The following CISD3 variants were observed in gnomAD, a reference collection of about 807,000 sequenced individuals.
The protein encoded by CISD3 is CDGSH iron sulfur domain 3.
A neutral mutation model predicts 14.1 loss-of-function variants in CISD3; 11 were observed. That is an observed-to-expected ratio of 0.78 (90% confidence interval 0.49 to 1.29). The LOEUF (loss-of-function observed/expected upper bound fraction) is 1.29. Among genes scored for constraint, CISD3 ranks in the 50% most tolerant of loss-of-function variants. The pLI is 0.00. For missense variants in CISD3, 156 were observed against 171.6 expected (o/e 0.91, Z 0.51); for synonymous variants, 53 against 69.2 (o/e 0.77, Z 1.16).
chr17:38,732,938 G>GACACAC (rs148830489), intron 3 of CISD3, among the ~76,000 whole-genome samples: 5,100 of 116,588 alleles, frequency 0.044, 94 homozygotes, highest in South Asian at 0.055. Context: ...GAGACTCAGA[G>GACACAC]ACACACACAC....
At position 38,732,660 on chromosome 17, in the gene CISD3, C is replaced by G. The variant is rs9895802; in HGVS notation, c.205-616C>G. Among the ~76,000 whole-genome samples the G allele has an allele frequency of 9.4e-3, 1,423 of 152,190 alleles. 24 individuals are homozygous for G. The highest frequency in any genetic ancestry group is 0.032 in the African/African-American group (1,328 of 41,520). On this transcript the variant is annotated intron_variant, in intron 3 of 3. Transcript: ENST00000613478. ...AAAAAAAAAGGCCTTGGCACCAGCT[C>G]TGCCTTCAGCTAGCAAGGCATGTCA...
Position 38,735,455 on chromosome 17 carries a change from G to A in CISD3, c.*2000G>A, listed in dbSNP as rs1228477563. ...CAGGGAGGAGGAGGTGGCTGGCAGG[G>A]TGGCAGGGCTGGGAGCCTTGTCGCT... On this transcript the variant is annotated 3_prime_UTR_variant, in exon 4 of 4. Transcript: ENST00000613478. 1.3e-6 allele frequency: 2 copies of A among 1,588,688 alleles called. No individual in the cohort carries two copies. Among genetic ancestry groups the A allele is most frequent in the Non-Finnish European group, 1.7e-6 (2 of 1,167,446 alleles).
In CISD3 at chr17:38,731,319, G is replaced by C. The variant is rs1007128101; in HGVS notation, c.85-1G>C. On this transcript the variant is annotated splice_acceptor_variant, in intron 2 of 3. Coordinates refer to ENST00000613478, the MANE Select transcript of CISD3 (RefSeq NM_001136498.2). LOFTEE classifies it high-confidence loss of function. Reference sequence around the variant, plus strand: ...GAGCCCCTCATCTTCCCTGGCCACAGGCCCAGTGGTTCCCTAGAACCCCAG... The same window carrying C: ...GAGCCCCTCATCTTCCCTGGCCACACGCCCAGTGGTTCCCTAGAACCCCAG... 6 of 1,551,220 alleles carry C rather than the reference G, an allele frequency of 3.9e-6. No individual in the cohort carries two copies. The South Asian group carries it at 7.1e-5, about 18-fold the overall frequency.
intron 3 of CISD3, 29 bp downstream of exon 3, chr17:38,731,468 T>C: frequency 6.4e-7 from 1 of 1,551,342 alleles, no homozygotes; most frequent in South Asian, 1.2e-5. Context: ...TTCCTACTGA[T>C]ACCTCTGGCT....
rs1034948802 is a variant in CISD3 at position 38,735,162 on chromosome 17, G to A, written c.*1707G>A. On this transcript the variant is annotated 3_prime_UTR_variant, in exon 4 of 4. Transcript: ENST00000613478. ...GAAAGTAGAAGAGGTGGAAAAAAGGGCCCAGAAAAAGTGGAAGGAGTGGAG... is the reference window on the plus strand; with the variant it reads ...GAAAGTAGAAGAGGTGGAAAAAAGGACCCAGAAAAAGTGGAAGGAGTGGAG... 4.0e-6 allele frequency: 5 copies of A among 1,263,766 alleles called. No individual in the cohort carries two copies. Among genetic ancestry groups the A allele is most frequent in the Admixed American group, 7.2e-5 (2 of 27,846 alleles). 78.3% of individuals were successfully genotyped at this position (1,263,766 alleles called of 1,614,324 possible).
In CISD3 at chr17:38,731,371, C is replaced by T; in HGVS notation, c.136C>T (p.Pro46Ser). ...CAGGTCCGTGGTGGCCCTGAAGACC[C>T]CCATCAAGGTGGAGCTGGTGGCAGG... ...PARSVVALKT[P>S]IKVELVAGKT... The change falls in exon 3 of 4, where the codon CCC becomes TCC. Residue 46 changes from proline to serine, a missense_variant. Coordinates refer to ENST00000613478, the MANE Select transcript of CISD3 (RefSeq NM_001136498.2). 6.4e-7 allele frequency: 1 copy of T among 1,551,642 alleles called. No individual in the cohort carries two copies. The highest frequency in any genetic ancestry group is 2.0e-5 in the Admixed American group (1 of 51,008).
Position 38,730,542 on chromosome 17 carries a change from C to T in CISD3, c.48+136C>T, listed in dbSNP as rs922752932. Reference sequence around the variant, plus strand: ...CGCCGGTGTCTGGCTTGCCTCAGCTCACAGGCTTTTCCCGAGCGCCAGTCC... The same window carrying T: ...CGCCGGTGTCTGGCTTGCCTCAGCTTACAGGCTTTTCCCGAGCGCCAGTCC... On this transcript the variant is annotated intron_variant, in intron 1 of 3. Coordinates refer to ENST00000613478, the MANE Select transcript of CISD3 (RefSeq NM_001136498.2). The T allele has an allele frequency of 5.4e-6, 5 of 919,318 alleles. No individual in the cohort carries two copies. The African/African-American group carries it at 8.4e-5, about 15-fold the overall frequency. 56.9% of individuals were successfully genotyped at this position (919,318 alleles called of 1,614,324 possible). A position where few individuals can be genotyped will look rare whatever the true frequency, so the allele number is the denominator to read the frequency against.
chr17:38,732,963 A>ACACT (rs774115774), intron 3 of CISD3, among the ~76,000 whole-genome samples: 1 of 136,130 alleles, frequency 7.3e-6, no homozygotes, highest in Non-Finnish European at 1.6e-5. Flanking sequence ...ACACACACAC[A>ACACT]CACACTCACA....
intron 1 of CISD3, 156 bp downstream of exon 1, chr17:38,730,562 C>A: frequency 1.2e-6 from 1 of 843,266 alleles, no homozygotes; most frequent in Non-Finnish European, 1.8e-6. Context: ...TCCCGAGCGC[C>A]AGTCCCTGCC....
At chr17:38,730,535 C>T (rs372299777) in intron 1 of CISD3, 129 bp downstream of exon 1, 16 of 935,006 alleles carry the variant, frequency 1.7e-5, no homozygotes, top group Non-Finnish European at 2.2e-5. Flanking sequence ...TCTGGCTTGC[C>T]TCAGCTCACA....
intron 1 of CISD3, 73 bp downstream of exon 1, chr17:38,730,479 C>T: frequency 8.6e-7 from 1 of 1,166,992 alleles, no homozygotes; most frequent in South Asian, 1.7e-5. Context: ...CACTCCAGCC[C>T]CGGCCCGGCC....
Position 38,731,395 on chromosome 17 carries a change from G to C in CISD3, c.160G>C (p.Gly54Arg). 1 of 1,551,698 alleles carries C rather than the reference G, an allele frequency of 6.4e-7. No homozygotes were observed. ...CCCCATCAAGGTGGAGCTGGTGGCA[G>C]GGAAAACCTACAGGTGGTGTGTGTG... ...KTPIKVELVA[G>R]KTYRWCVCGR... Residue 54 changes from glycine to arginine, a missense_variant, in exon 3 of 4, where the codon GGG (glycine) becomes CGG (arginine). Gly to Arg is a moderately radical substitution (Grantham distance 125). Coordinates refer to ENST00000613478, the MANE Select transcript of CISD3 (RefSeq NM_001136498.2).
At position 38,735,112 on chromosome 17, in the gene CISD3, C is replaced by G; in HGVS notation, c.*1657C>G. 1 of 813,690 alleles carries G rather than the reference C, an allele frequency of 1.2e-6. No individual in the cohort carries two copies. The highest frequency in any genetic ancestry group is 1.8e-5 in the African/African-American group (1 of 56,452). 50.4% of individuals were successfully genotyped at this position (813,690 alleles called of 1,614,324 possible). ...ATATTTATTTATAAAACCCGCCCCC[C>G]ACCCCCAAGGTGGGAAGAGCTGGGG... On this transcript the variant is annotated 3_prime_UTR_variant, in exon 4 of 4. Transcript: ENST00000613478.
At chr17:38,730,727 T>TCA in intron 1 of CISD3, 33 bp from the exon 2 acceptor site, 1 of 1,551,504 alleles carries the variant, frequency 6.4e-7, no homozygotes, top group Non-Finnish European at 8.7e-7. Flanking sequence ...AACCACCGTC[T>TCA]TGTGATGCCT....
intron 2 of CISD3, 152 bp from the exon 3 acceptor site, chr17:38,731,168 G>A: frequency 9.6e-7 from 1 of 1,044,642 alleles, no homozygotes; most frequent in Non-Finnish European, 1.4e-6. Flanking sequence ...TGGTGTCCTG[G>A]GGAACGGTCT....
rs555817669 is a variant in CISD3 at position 38,735,247 on chromosome 17, G to A, written c.*1792G>A. 1.4e-5 allele frequency: 20 copies of A among 1,450,222 alleles called. No individual in the cohort carries two copies. In the Admixed American group the frequency reaches 2.0e-4, roughly 15 times the overall value. 89.8% of individuals were successfully genotyped at this position (1,450,222 alleles called of 1,614,324 possible). On this transcript the variant is annotated 3_prime_UTR_variant, in exon 4 of 4. Transcript: ENST00000613478. ...CTCAAGTTAAGGGGGGCACGGGAGC[G>A]CCGTTGACAGTCATCTTGCGCCCCC... is the stretch of plus-strand genomic sequence containing the variant.
chr17:38,731,014 T>C, intron 2 of CISD3: 1 of 638,806 alleles, frequency 1.6e-6, no homozygotes, highest in Non-Finnish European at 2.7e-6. Context: ...CCAGTGTGGG[T>C]GGCCCTGCCG....
chr17:38,730,483 C>A, intron 1 of CISD3, 77 bp downstream of exon 1: 2 of 1,145,540 alleles, frequency 1.7e-6, no homozygotes, highest in Non-Finnish European at 2.4e-6. Flanking sequence ...CCAGCCCCGG[C>A]CCGGCCGAGC....
At position 38,735,219 on chromosome 17, in the gene CISD3, G is replaced by C; in HGVS notation, c.*1764G>C. The C allele has an allele frequency of 7.1e-6, 10 of 1,411,356 alleles. No homozygotes were observed. Among genetic ancestry groups the C allele is most frequent in the Non-Finnish European group, 9.3e-6 (10 of 1,072,880 alleles). 87.4% of individuals were successfully genotyped at this position (1,411,356 alleles called of 1,614,324 possible). A position where few individuals can be genotyped will look rare whatever the true frequency, so the allele number is the denominator to read the frequency against. On this transcript the variant is annotated 3_prime_UTR_variant, in exon 4 of 4. Transcript: ENST00000613478. Reference sequence around the variant, plus strand: ...GGCTGGAAGAAGGGAGAGGGTCCCTGGCCTCAAGTTAAGGGGGGCACGGGA... The same window carrying C: ...GGCTGGAAGAAGGGAGAGGGTCCCTCGCCTCAAGTTAAGGGGGGCACGGGA...
Sources: gnomAD v4.1 joint callset for allele counts (sites outside exome capture counted in the v4.1 genomes callset) on GRCh38, gnomAD v4.1.1 for gene constraint, MANE v1.5 for transcripts, NCBI Gene and HGNC (gene_info 2026-07-23, HGNC 2026-07-21) for gene names.